Variants in ARID4B observed in about 807,000 individuals in gnomAD.
ARID4B encodes the protein AT-rich interactive domain-containing protein 4B.
In ARID4B, 26 loss-of-function variants were observed where a neutral mutation model predicts 147.5. The ratio of observed to expected loss-of-function variants is 0.18; its 90% CI spans 0.13 to 0.24. The LOEUF (loss-of-function observed/expected upper bound fraction) is 0.24, where lower values mean the gene tolerates loss of function less well. Among genes scored for constraint, ARID4B ranks in the 10% least tolerant of loss-of-function variants. The probability of loss-of-function intolerance (pLI) is 1.00; values close to 1 mark genes in which losing one functional copy is unlikely to be tolerated. For synonymous variants in ARID4B, 512 were observed against 507.9 expected, an observed-to-expected ratio of 1.01 and a Z score of -0.11; for missense variants, 1,179 against 1,511.5, an observed-to-expected ratio of 0.78 and a Z score of 3.65.
At chr1:235,269,441 T>C (rs1670826325) in intron 2 of ARID4B, among the ~76,000 whole-genome samples, 1 of 152,212 alleles carries the variant, frequency 6.6e-6, no homozygotes, top group South Asian at 2.1e-4. Context: ...TTCTGTGGTA[T>C]ATCTGCCAAG....
intron 5 of ARID4B, 24 bp from the exon 6 acceptor site, chr1:235,252,833 A>C: frequency 1.3e-6 from 2 of 1,590,944 alleles, no homozygotes; most frequent in African/African-American, 2.7e-5. Flanking sequence ...TAAAAATGGA[A>C]GCTACTGAAG....
chr1:235,227,237 A>T (rs188289198), intron 11 of ARID4B, among the ~76,000 whole-genome samples: 1 of 152,184 alleles, frequency 6.6e-6, no homozygotes, highest in Non-Finnish European at 1.5e-5. Flanking sequence ...AAGGGAAATG[A>T]TGAGAAAAAA....
At chr1:235,300,063 G>A (rs577111555) in intron 2 of ARID4B, among the ~76,000 whole-genome samples, 69 of 152,220 alleles carry the variant, frequency 4.5e-4, no homozygotes, top group African/African-American at 1.7e-3. Context: ...GTGGGGAGAG[G>A]TACTTCCATT....
At chr1:235,233,132 C>T (rs1160673898) in intron 9 of ARID4B, among the ~76,000 whole-genome samples, 3 of 152,136 alleles carry the variant, frequency 2.0e-5, no homozygotes, top group Non-Finnish European at 2.9e-5. Flanking sequence ...CCACCGCGCC[C>T]AGCCTACATA....
chr1:235,276,959 A>T (rs1177720100), intron 2 of ARID4B, among the ~76,000 whole-genome samples: 1 of 150,498 alleles, frequency 6.6e-6, no homozygotes, highest in Non-Finnish European at 1.5e-5. Flanking sequence ...GAGATTGTGC[A>T]CTGCAATCAA....
intron 2 of ARID4B, among the ~76,000 whole-genome samples, chr1:235,262,770 C>T (rs1670368453): frequency 6.6e-6 from 1 of 152,130 alleles, no homozygotes; most frequent in Middle Eastern, 3.4e-3. Flanking sequence ...AGTTCAAGAT[C>T]AGCCCAAGCA....
At chr1:235,211,261 G>A (rs1666702796) in intron 17 of ARID4B, among the ~76,000 whole-genome samples, 3 of 152,154 alleles carry the variant, frequency 2.0e-5, no homozygotes, top group African/African-American at 4.8e-5. Flanking sequence ...AACCCGGGAG[G>A]CGGAGGCTGC....
chr1:235,255,093 T>TA (rs1669866271), intron 5 of ARID4B, among the ~76,000 whole-genome samples: 1 of 151,750 alleles, frequency 6.6e-6, no homozygotes, highest in Non-Finnish European at 1.5e-5. Context: ...CCTAATTAGG[T>TA]AAAAAAGACA....
Position 235,260,702 on chromosome 1 carries a change from T to C in ARID4B, c.57A>G (p.Lys19=). 6.2e-7 allele frequency: 1 copy of C among 1,612,644 alleles called. No individual in the cohort carries two copies. The highest frequency in any genetic ancestry group is 8.5e-7 in the Non-Finnish European group (1 of 1,179,670). ...TGGCTTCACAAAAGGCTCCTCTGTATTTAGCACTCACATCAGTGCCCACTG... is the reference window on the plus strand; with the variant it reads ...TGGCTTCACAAAAGGCTCCTCTGTACTTAGCACTCACATCAGTGCCCACTG... ...YLTVGTDVSA[K]YRGAFCEAKI... is the part of the protein sequence containing the mutation. The change falls in exon 3 of 24, where the codon AAA becomes AAG. Residue 19 remains lysine (K), a synonymous_variant. Coordinates refer to ENST00000264183, the MANE Select transcript of ARID4B (RefSeq NM_016374.6).
intron 2 of ARID4B, among the ~76,000 whole-genome samples, chr1:235,286,506 C>T (rs1035069028): frequency 3.5e-4 from 53 of 151,836 alleles, no homozygotes; most frequent in Non-Finnish European, 1.2e-4. Context: ...AAGAGGAGCA[C>T]GAAGAAGGAC....
intron 23 of ARID4B, among the ~76,000 whole-genome samples, chr1:235,170,252 T>A (rs990608274): frequency 1.3e-5 from 2 of 152,202 alleles, no homozygotes; most frequent in Admixed American, 1.3e-4. Context: ...ACATATTGCC[T>A]ATGGGAGTTT....
intron 2 of ARID4B, among the ~76,000 whole-genome samples, chr1:235,262,812 A>C (rs902151878): frequency 1.3e-5 from 2 of 152,208 alleles, no homozygotes; most frequent in Admixed American, 1.3e-4. Flanking sequence ...ATTAATTAAA[A>C]AAAAATTTTT....
At chr1:235,207,494 A>T (rs1309026341) in intron 17 of ARID4B, among the ~76,000 whole-genome samples, 1 of 152,224 alleles carries the variant, frequency 6.6e-6, no homozygotes, top group Non-Finnish European at 1.5e-5. Context: ...AGCTTGAGTC[A>T]AAAGAAGTGA....
intron 2 of ARID4B, among the ~76,000 whole-genome samples, chr1:235,277,228 A>G (rs1671372587): frequency 6.6e-6 from 1 of 152,096 alleles, no homozygotes. Context: ...TTTGGGTGGC[A>G]GAGAGAGACT....
At chr1:235,245,265 T>C (rs1431486693) in intron 7 of ARID4B, among the ~76,000 whole-genome samples, 1 of 152,194 alleles carries the variant, frequency 6.6e-6, no homozygotes. Context: ...TGCTTTATTC[T>C]CATATTCACA....
At chr1:235,239,499 C>G (rs758859256) in intron 8 of ARID4B, among the ~76,000 whole-genome samples, 1 of 152,104 alleles carries the variant, frequency 6.6e-6, no homozygotes, top group Non-Finnish European at 1.5e-5. Flanking sequence ...TGAAAAGCAG[C>G]CTAGTTATGT....
chr1:235,189,501 TA>T (rs1032378977), intron 19 of ARID4B, among the ~76,000 whole-genome samples: 1 of 122,348 alleles, frequency 8.2e-6, no homozygotes, highest in African/African-American at 3.2e-5. Flanking sequence ...TTCAAAGAAA[TA>T]AAAAGACAAA....
At chr1:235,245,874 A>C (rs1237515942) in intron 7 of ARID4B, among the ~76,000 whole-genome samples, 1 of 152,216 alleles carries the variant, frequency 6.6e-6, no homozygotes, top group African/African-American at 2.4e-5. Flanking sequence ...TTAAGTAACC[A>C]TCCCAAGATC....
intron 20 of ARID4B, chr1:235,180,938 G>A (rs997778015): frequency 4.1e-5 from 8 of 194,554 alleles, no homozygotes; most frequent in African/African-American, 1.4e-4. Flanking sequence ...GGAAGGTACC[G>A]ATTTGAATTT....
Sources: allele counts gnomAD v4.1 joint callset (sites outside exome capture counted in the v4.1 genomes callset), GRCh38; gene constraint gnomAD v4.1.1; transcripts MANE v1.5; gene names NCBI Gene and HGNC (gene_info 2026-07-23, HGNC 2026-07-21).